The following CFAP221 variants were observed in gnomAD, a reference collection of about 807,000 sequenced individuals.
The protein encoded by CFAP221 is cilia and flagella associated protein 221.
CFAP221 carries 97 observed loss-of-function variants against 113.1 expected under a neutral mutation model. The observed-to-expected ratio is 0.86, with a 90% CI of 0.73 to 1.02. The LOEUF is 1.02. CFAP221 is among the 50% of genes least tolerant of loss of function. The probability of loss-of-function intolerance (pLI) is 0.00; values close to 1 mark genes in which losing one functional copy is unlikely to be tolerated. For synonymous variants in CFAP221, 331 were observed against 354.4 expected, an observed-to-expected ratio of 0.93 and a Z score of 0.74; for missense variants, 1,025 against 1,013.4, an observed-to-expected ratio of 1.01 and a Z score of -0.16.
chr2:119,555,624 TAAA>T (rs1006999688), intron 3 of CFAP221, among the ~76,000 whole-genome samples: 2 of 151,906 alleles, frequency 1.3e-5, no homozygotes, highest in East Asian at 1.9e-4. Flanking sequence ...GATAAAGTAT[TAAA>T]AAAAAGACAG....
At chr2:119,561,646 G>T (rs1480918243) in intron 5 of CFAP221, among the ~76,000 whole-genome samples, 2 of 152,156 alleles carry the variant, frequency 1.3e-5, no homozygotes, top group Admixed American at 6.5e-5. Context: ...TTTCTATTCT[G>T]TGCTGTCTGG....
intron 6 of CFAP221, among the ~76,000 whole-genome samples, chr2:119,562,469 G>C (rs551406282): frequency 3.9e-5 from 6 of 152,172 alleles, no homozygotes; most frequent in Non-Finnish European, 5.9e-5. Context: ...CCCTTCATGG[G>C]GGCAAGACAG....
At chr2:119,556,502 T>G (rs1390430345) in intron 3 of CFAP221, among the ~76,000 whole-genome samples, 2 of 152,156 alleles carry the variant, frequency 1.3e-5, no homozygotes, top group African/African-American at 4.8e-5. Flanking sequence ...GGATCTATGT[T>G]GTTTTATTCT....
chr2:119,646,261 C>T (rs1687796648), intron 21 of CFAP221, among the ~76,000 whole-genome samples: 2 of 152,154 alleles, frequency 1.3e-5, no homozygotes, highest in African/African-American at 2.4e-5. Flanking sequence ...TTGCTATAAA[C>T]AAATGCCTGA....
intron 6 of CFAP221, among the ~76,000 whole-genome samples, chr2:119,571,516 A>G (rs1682056180): frequency 1.3e-5 from 2 of 150,934 alleles, no homozygotes; most frequent in Non-Finnish European, 3.0e-5. Flanking sequence ...GGGCAGTGTC[A>G]GGATCTCGGC....
intron 1 of CFAP221, among the ~76,000 whole-genome samples, chr2:119,544,923 C>T (rs535388036): frequency 6.6e-6 from 1 of 151,888 alleles, no homozygotes; most frequent in Admixed American, 6.6e-5. Flanking sequence ...TGTGAGGCTC[C>T]GGGAGGAGAC....
chr2:119,587,187 A>T lies in CFAP221; in HGVS notation c.596A>T (p.Gln199Leu). The change falls in exon 7 of 24, where the codon CAG becomes CTG. Residue 199 changes from glutamine to leucine, a missense_variant. Physicochemically the swap from Gln to Leu is moderately radical, Grantham distance 113 (BLOSUM62 -2). Transcript: ENST00000413369. ...TTTGAGTTTTATATCACCTTGATTCAGTCTCATCAAGCCTTTGCTATTGAG... is the reference window on the plus strand; with the variant it reads ...TTTGAGTTTTATATCACCTTGATTCTGTCTCATCAAGCCTTTGCTATTGAG... ...VDFEFYITLI[Q>L]SHQAFAIEPT... is the part of the protein sequence containing the mutation. 1 of 1,532,944 alleles carries T rather than the reference A, an allele frequency of 6.5e-7. No individual in the cohort carries two copies. The highest frequency in any genetic ancestry group is 8.7e-7 in the Non-Finnish European group (1 of 1,145,124). The allele number at this position is 1,532,944 out of a possible 1,614,324, so 95.0% of individuals were successfully genotyped here. A position where few individuals can be genotyped will look rare whatever the true frequency, so the allele number is the denominator to read the frequency against.
At chr2:119,644,278 G>T (rs553892168) in intron 21 of CFAP221, among the ~76,000 whole-genome samples, 1 of 152,254 alleles carries the variant, frequency 6.6e-6, no homozygotes, top group East Asian at 1.9e-4. Flanking sequence ...CACAAAAAAA[G>T]TGAGAGGAAC....
At chr2:119,632,402 A>G (rs1408688010) in intron 19 of CFAP221, among the ~76,000 whole-genome samples, 1 of 152,190 alleles carries the variant, frequency 6.6e-6, no homozygotes, top group Non-Finnish European at 1.5e-5. Flanking sequence ...AAAAGGAAAA[A>G]CATCTCAATA....
intron 7 of CFAP221, among the ~76,000 whole-genome samples, chr2:119,600,071 G>A (rs183045030): frequency 3.3e-4 from 50 of 152,224 alleles, no homozygotes; most frequent in African/African-American, 1.1e-3. Context: ...AAGGGCAGAC[G>A]GTCTCATCTA....
At chr2:119,572,403 G>C in intron 6 of CFAP221, 2 of 539,192 alleles carry the variant, frequency 3.7e-6, no homozygotes, top group Non-Finnish European at 6.7e-6. Flanking sequence ...ATCTTAAAGA[G>C]TATTATAGAT....
intron 7 of CFAP221, among the ~76,000 whole-genome samples, chr2:119,589,154 G>A (rs1683417846): frequency 6.6e-6 from 1 of 152,164 alleles, no homozygotes; most frequent in Non-Finnish European, 1.5e-5. Context: ...CAGCCTCCTC[G>A]GTAGCTATTT....
chr2:119,550,273 G>A (rs1212728265), intron 3 of CFAP221, among the ~76,000 whole-genome samples: 1 of 152,158 alleles, frequency 6.6e-6, no homozygotes, highest in African/African-American at 2.4e-5. Flanking sequence ...TATCACGTTC[G>A]ATTGTTTAGA....
intron 8 of CFAP221, among the ~76,000 whole-genome samples, chr2:119,602,083 A>G (rs1490787164): frequency 6.6e-6 from 1 of 152,148 alleles, no homozygotes; most frequent in Non-Finnish European, 1.5e-5. Flanking sequence ...AGATTTTTAT[A>G]TAAACGTTAA....
intron 6 of CFAP221, among the ~76,000 whole-genome samples, chr2:119,581,850 A>G (rs1202097519): frequency 2.0e-5 from 3 of 152,142 alleles, no homozygotes; most frequent in African/African-American, 7.2e-5. Flanking sequence ...GAATCACTTG[A>G]ACCCAGGAGT....
At chr2:119,561,442 C>T (rs1262966738) in intron 5 of CFAP221, among the ~76,000 whole-genome samples, 2 of 152,190 alleles carry the variant, frequency 1.3e-5, no homozygotes, top group African/African-American at 4.8e-5. Context: ...AATAATACCT[C>T]ACTTTTATGC....
chr2:119,604,472 G>A (rs1391932661), intron 8 of CFAP221, among the ~76,000 whole-genome samples, 200 bp from the exon 9 acceptor site: 1 of 151,972 alleles, frequency 6.6e-6, no homozygotes, highest in Non-Finnish European at 1.5e-5. Flanking sequence ...CCGTTGGTGG[G>A]CAATTTTGAT....
At position 119,591,432 on chromosome 2, in the gene CFAP221, C is replaced by G. The variant is rs1683586244; in HGVS notation, c.631+4210C>G. On this transcript the variant is annotated intron_variant, in intron 7 of 23. Coordinates refer to ENST00000413369, the MANE Select transcript of CFAP221 (RefSeq NM_001271049.2). ...AGTTTTACCTGGTGCTCAATATACC[C>G]TTGATGGGTGGCAGTGGTTGCACAC... Among the ~76,000 whole-genome samples the G allele has an allele frequency of 2.6e-5, 4 of 152,318 alleles. No individual in the cohort carries two copies. In the South Asian group the frequency reaches 8.3e-4, roughly 32 times the overall value.
Position 119,629,938 on chromosome 2 carries a change from T to C in CFAP221, c.1714T>C (p.Ser572Pro). ...SSEVQIKQSYSFFNLQVPQLY... is the reference protein window; with the variant it reads ...SSEVQIKQSYPFFNLQVPQLY... The stretch of plus-strand genomic sequence containing the variant: ...AGAAGTTCAAATCAAGCAGAGTTAT[T>C]CCTTCTTCAATCTGCAGGTCAGACC... Residue 572 changes from serine (S) to proline (P), a missense_variant, in exon 17 of 24, where the codon TCC becomes CCC. Coordinates refer to ENST00000413369, the MANE Select transcript of CFAP221 (RefSeq NM_001271049.2). 3.1e-6 allele frequency: 5 copies of C among 1,612,728 alleles called. No homozygotes were observed. Among genetic ancestry groups the C allele is most frequent in the Non-Finnish European group, 4.2e-6 (5 of 1,178,748 alleles).
Sources: gnomAD v4.1 joint callset for allele counts (sites outside exome capture counted in the v4.1 genomes callset) on GRCh38, gnomAD v4.1.1 for gene constraint, MANE v1.5 for transcripts, NCBI Gene and HGNC (gene_info 2026-07-23, HGNC 2026-07-21) for gene names.